The following VAT1L variants were observed in gnomAD, a reference collection of about 807,000 sequenced individuals.
The protein encoded by VAT1L is vesicle amine transport 1 like, also known as putative NADPH-dependent quinone oxidoreductase VAT1L.
VAT1L carries 34 observed loss-of-function variants against 44.1 expected under a neutral mutation model. That is an observed-to-expected ratio of 0.77 (90% CI 0.59 to 1.03). VAT1L has a LOEUF of 1.03. VAT1L is among the 50% of genes least tolerant of loss of function. VAT1L has a pLI of 0.00. For missense variants in VAT1L, 615 were observed against 538.8 expected (o/e 1.14, Z -1.40); for synonymous variants, 253 against 202.2 (o/e 1.25, Z -2.13).
chr16:77,968,963 C>A (rs890885297), intron 7 of VAT1L, among the ~76,000 whole-genome samples: 1 of 152,058 alleles, frequency 6.6e-6, no homozygotes, highest in Admixed American at 6.6e-5. Flanking sequence ...GGATTACAGG[C>A]ACCCACCACC....
At chr16:77,917,496 T>C (rs2017563866) in intron 7 of VAT1L, among the ~76,000 whole-genome samples, 4 of 152,248 alleles carry the variant, frequency 2.6e-5, no homozygotes. Context: ...CAATGATTCC[T>C]GTTCAACTTC....
rs140351797 is a variant in VAT1L at position 77,908,096 on chromosome 16, G to A, written c.1077+23294G>A. On this transcript the variant is annotated intron_variant, in intron 7 of 8. Transcript: ENST00000302536. Reference sequence around the variant, plus strand: ...TCTACTAAAAATACAAAAATCAGCCGGGTGTGGTGGCGGACGCCTGTAGTC... The same window carrying A: ...TCTACTAAAAATACAAAAATCAGCCAGGTGTGGTGGCGGACGCCTGTAGTC... Among the ~76,000 whole-genome samples, 27 of 152,132 alleles carry A rather than the reference G, an allele frequency of 1.8e-4. No homozygotes were observed. The East Asian group carries it at 2.9e-3, about 16-fold the overall frequency.
chr16:77,971,242 C>A (rs1567526556), intron 7 of VAT1L, among the ~76,000 whole-genome samples: 1 of 152,138 alleles, frequency 6.6e-6, no homozygotes, highest in African/African-American at 2.4e-5. Context: ...TTCAGAGGAT[C>A]CCAGGAGACA....
At chr16:77,824,622 G>A (rs2016496683) in intron 2 of VAT1L, among the ~76,000 whole-genome samples, 1 of 151,346 alleles carries the variant, frequency 6.6e-6, no homozygotes, top group South Asian at 2.1e-4. Flanking sequence ...CGGGCATGGT[G>A]ACAGGCACCT....
rs1406222913 is a variant in VAT1L at position 77,968,623 on chromosome 16, G to C, written c.1078-3227G>C. The stretch of plus-strand genomic sequence containing the variant: ...GCCTGTAGTCCCAGCTACTCAGGAA[G>C]TTGAGGCTGGAGAATGGCATGAACT... On this transcript the variant is annotated intron_variant, in intron 7 of 8. Coordinates refer to ENST00000302536, the MANE Select transcript of VAT1L (RefSeq NM_020927.3). Among the ~76,000 whole-genome samples the C allele has an allele frequency of 2.6e-5, 4 of 152,048 alleles. No individual in the cohort carries two copies. In the East Asian group the frequency reaches 7.9e-4, roughly 30 times the overall value.
rs2015778274 is a variant in VAT1L, at chr16:77,788,866, G to A, written c.184G>A (p.Ala62Thr). 1 of 1,570,450 alleles carries A rather than the reference G, an allele frequency of 6.4e-7. No homozygotes were observed. The highest frequency in any genetic ancestry group is 8.6e-7 in the Non-Finnish European group (1 of 1,159,600). The change falls in exon 1 of 9, where the codon GCC becomes ACC. Residue 62 changes from alanine (A) to threonine (T), a missense_variant. Transcript: ENST00000302536. Reference sequence around the variant, plus strand: ...CAACAAGCTGCGGCTCTTCAGGAAGGCCATGCCCGAGCCTCAGGACGGCGA... The same window carrying A: ...CAACAAGCTGCGGCTCTTCAGGAAGACCATGCCCGAGCCTCAGGACGGCGA... ...GLNKLRLFRKAMPEPQDGELK... is the reference protein window; with the variant it reads ...GLNKLRLFRKTMPEPQDGELK...
At chr16:77,907,482 G>A (rs1467746522) in intron 7 of VAT1L, among the ~76,000 whole-genome samples, 4 of 152,134 alleles carry the variant, frequency 2.6e-5, no homozygotes, top group South Asian at 4.1e-4. Context: ...AGCAGCCCTA[G>A]GCACCAGGCC....
intron 1 of VAT1L, among the ~76,000 whole-genome samples, chr16:77,794,753 T>C (rs2015897939): frequency 6.6e-6 from 1 of 152,154 alleles, no homozygotes; most frequent in Non-Finnish European, 1.5e-5. Context: ...AATCACTCTG[T>C]ATTGGATGGA....
chr16:77,889,991 G>A (rs967984187), intron 7 of VAT1L, among the ~76,000 whole-genome samples: 10 of 152,162 alleles, frequency 6.6e-5, no homozygotes, highest in Admixed American at 5.9e-4. Flanking sequence ...GGAGGCTGAG[G>A]CAGGAGAATC....
intron 3 of VAT1L, among the ~76,000 whole-genome samples, chr16:77,855,168 C>A (rs1029855202): frequency 1.3e-5 from 2 of 151,966 alleles, no homozygotes; most frequent in Admixed American, 1.3e-4. Context: ...GGTGAAACTC[C>A]GTCTCTACTA....
At chr16:77,969,764 G>C (rs1467594334) in intron 7 of VAT1L, among the ~76,000 whole-genome samples, 3 of 152,058 alleles carry the variant, frequency 2.0e-5, no homozygotes, top group Non-Finnish European at 2.9e-5. Flanking sequence ...ATTTTAGAAG[G>C]TGTCTGCTAC....
At chr16:77,820,871 A>G (rs3861262) in intron 2 of VAT1L, among the ~76,000 whole-genome samples, 28,330 of 152,158 alleles carry the variant, frequency 0.19, 2,774 homozygotes, top group Admixed American at 0.25. Flanking sequence ...ATTATTATCA[A>G]TAACAATAGC....
intron 1 of VAT1L, among the ~76,000 whole-genome samples, chr16:77,808,996 T>A (rs2016216283): frequency 6.6e-6 from 1 of 152,248 alleles, no homozygotes; most frequent in South Asian, 2.1e-4. Context: ...TACAGTAGGC[T>A]CAATGTGCTA....
chr16:77,918,653 T>C (rs951537679), intron 7 of VAT1L, among the ~76,000 whole-genome samples: 2 of 152,136 alleles, frequency 1.3e-5, no homozygotes, highest in African/African-American at 4.8e-5. Flanking sequence ...CATCTTCCAA[T>C]TGGTTCTCAA....
chr16:77,889,016 G>T (rs374544224), intron 7 of VAT1L, among the ~76,000 whole-genome samples: 3 of 152,322 alleles, frequency 2.0e-5, no homozygotes, highest in East Asian at 3.9e-4. Flanking sequence ...ACCAAACGTG[G>T]CTGTTTATCA....
chr16:77,920,187 C>G (rs535905144), intron 7 of VAT1L, among the ~76,000 whole-genome samples: 1 of 152,328 alleles, frequency 6.6e-6, no homozygotes, highest in South Asian at 2.1e-4. Context: ...CAAGCATTCA[C>G]CCATTCAAAC....
intron 2 of VAT1L, among the ~76,000 whole-genome samples, chr16:77,821,169 G>A (rs1336367081): frequency 6.6e-6 from 1 of 152,180 alleles, no homozygotes; most frequent in African/African-American, 2.4e-5. Context: ...ATAAGACCCA[G>A]CCTCTGCCCT....
chr16:77,865,322 T>C (rs890887604), intron 4 of VAT1L, among the ~76,000 whole-genome samples: 3 of 152,182 alleles, frequency 2.0e-5, no homozygotes, highest in African/African-American at 7.2e-5. Flanking sequence ...GAAAATGAAC[T>C]ATCGTTGTCC....
At chr16:77,960,548 A>T (rs1001295755) in intron 7 of VAT1L, among the ~76,000 whole-genome samples, 1 of 152,146 alleles carries the variant, frequency 6.6e-6, no homozygotes, top group African/African-American at 2.4e-5. Flanking sequence ...ACTTCCAGAG[A>T]CCCATCACAA....
Sources: gnomAD v4.1 joint callset for allele counts (sites outside exome capture counted in the v4.1 genomes callset) on GRCh38, gnomAD v4.1.1 for gene constraint, MANE v1.5 for transcripts, NCBI Gene and HGNC (gene_info 2026-07-23, HGNC 2026-07-21) for gene names.